NOXRED1: variants seen among roughly 807,000 people sequenced by gnomAD.
NOXRED1 encodes the protein NADP dependent oxidoreductase domain containing 1.
Under a neutral mutation model 30.4 loss-of-function variants are expected in NOXRED1, and 20 were observed. The ratio of observed to expected loss-of-function variants is 0.66; its 90% confidence interval spans 0.46 to 0.96. The LOEUF is 0.96. Ranked by LOEUF, NOXRED1 falls within the 40% of genes least tolerant of loss-of-function variation. The pLI is 0.00. For missense variants in NOXRED1, 374 were observed against 428.0 expected (o/e 0.87, Z 1.11); for synonymous variants, 155 against 168.0 (o/e 0.92, Z 0.60).
intron 2 of NOXRED1, among the ~76,000 whole-genome samples, chr14:77,411,371 G>C (rs1749677053): frequency 6.6e-6 from 1 of 151,620 alleles, no homozygotes; most frequent in Non-Finnish European, 1.5e-5. Flanking sequence ...TTGGGAGGCT[G>C]GGGCAGGAGA....
intron 2 of NOXRED1, among the ~76,000 whole-genome samples, chr14:77,413,387 C>T (rs1566711981): frequency 6.6e-6 from 1 of 151,960 alleles, no homozygotes; most frequent in Non-Finnish European, 1.5e-5. Context: ...TACAGGCACG[C>T]ACCATCATGC....
At chr14:77,413,364 G>C (rs1455375264) in intron 2 of NOXRED1, among the ~76,000 whole-genome samples, 1 of 151,270 alleles carries the variant, frequency 6.6e-6, no homozygotes, top group Non-Finnish European at 1.5e-5. Context: ...TCAGCCTCCT[G>C]AGTAGCTGGG....
rs1895047174 is a variant in NOXRED1, at chr14:77,423,192, G to A, written c.-303C>T. ...GTATTGTTTCTCCACACAGGTTACA[G>A]GCACTGTTTTCGGCAGATGAATTTA... On this transcript the variant is annotated 5_prime_UTR_variant, in exon 1 of 6. Coordinates refer to ENST00000380835, the MANE Select transcript of NOXRED1 (RefSeq NM_001113475.3). 3.4e-6 allele frequency: 1 copy of A among 297,126 alleles called. No individual in the cohort carries two copies. Among genetic ancestry groups the A allele is most frequent in the Non-Finnish European group, 6.2e-6 (1 of 160,892 alleles). 18.4% of individuals were successfully genotyped at this position (297,126 alleles called of 1,614,324 possible). A position where few individuals can be genotyped will look rare whatever the true frequency, so the allele number is the denominator to read the frequency against.
intron 1 of NOXRED1, among the ~76,000 whole-genome samples, chr14:77,415,660 T>C (rs1263552723): frequency 6.7e-6 from 1 of 148,750 alleles, no homozygotes; most frequent in East Asian, 2.1e-4. Context: ...ATAGATATAG[T>C]TGTGCAACAG....
At position 77,423,136 on chromosome 14, in the gene NOXRED1, G is replaced by T. The variant is rs1360073500; in HGVS notation, c.-247C>A. ...AATCACTGGCTGCCCATGAATCCTGGACTCATGAAAAACCTGTACAGAAAC... is the reference window on the plus strand; with the variant it reads ...AATCACTGGCTGCCCATGAATCCTGTACTCATGAAAAACCTGTACAGAAAC... On this transcript the variant is annotated 5_prime_UTR_variant, in exon 1 of 6. Coordinates refer to ENST00000380835, the MANE Select transcript of NOXRED1 (RefSeq NM_001113475.3). 2.3e-6 allele frequency: 1 copy of T among 428,830 alleles called. No individual in the cohort carries two copies. The highest frequency in any genetic ancestry group is 2.0e-5 in the African/African-American group (1 of 48,850). 26.6% of individuals were successfully genotyped at this position (428,830 alleles called of 1,614,324 possible).
chr14:77,411,919 C>T (rs543924387), intron 2 of NOXRED1, among the ~76,000 whole-genome samples: 1 of 152,062 alleles, frequency 6.6e-6, no homozygotes, highest in African/African-American at 2.4e-5. Context: ...TGGTGAAACC[C>T]CGTCTCTACT....
rs556726067 is a variant in NOXRED1, at chr14:77,407,867, C to CTT, written c.350-224_350-223dup. On this transcript the variant is annotated intron_variant, in intron 2 of 5. Transcript: ENST00000380835. ...AGTAGTACTTGAAATTATAATTCAT[C>CTT]TTTTTTTTTTTTTTTTTTGAGACGG... Among the ~76,000 whole-genome samples, 1,116 of 137,624 alleles carry CTT rather than the reference C, an allele frequency of 8.1e-3. 30 individuals carry two copies. Among genetic ancestry groups the CTT allele is most frequent in the East Asian group, 0.022 (100 of 4,624 alleles). 90.3% of individuals were successfully genotyped at this position (137,624 alleles called of 152,430 possible). A position where few individuals can be genotyped will look rare whatever the true frequency, so the allele number is the denominator to read the frequency against.
chr14:77,394,788 T>G lies in NOXRED1; in HGVS notation c.923A>C (p.Asp308Ala). The change falls in exon 6 of 6, where the codon GAT becomes GCT. Residue 308 changes from aspartate (D) to alanine (A), a missense_variant. Asp to Ala is a moderately radical substitution (Grantham distance 126, BLOSUM62 -2). Transcript: ENST00000380835. Reference protein sequence around the residue: ...LSQERPFPWFDLTAVQLKETP... With the variant: ...LSQERPFPWFALTAVQLKETP... ...TTCCTTGAGTTGCACAGCAGTCAGA[T>G]CAAACCAGGGGAAAGGCCTGAGGTG... The G allele has an allele frequency of 6.2e-7, 1 of 1,613,542 alleles. No individual in the cohort carries two copies. Among genetic ancestry groups the G allele is most frequent in the Middle Eastern group, 1.6e-4 (1 of 6,062 alleles).
At chr14:77,399,830 C>T (rs998810572) in intron 5 of NOXRED1, among the ~76,000 whole-genome samples, 8 of 151,782 alleles carry the variant, frequency 5.3e-5, no homozygotes, top group Admixed American at 4.6e-4. Flanking sequence ...TGAGAATTTC[C>T]CCCAAATTAA....
intron 5 of NOXRED1, among the ~76,000 whole-genome samples, chr14:77,404,211 A>C (rs1894399041): frequency 6.6e-6 from 1 of 152,220 alleles, no homozygotes; most frequent in Admixed American, 6.5e-5. Flanking sequence ...CCATGACAGG[A>C]AACAAGAGAT....
intron 2 of NOXRED1, among the ~76,000 whole-genome samples, chr14:77,411,491 A>C (rs968810773): frequency 1.2e-4 from 18 of 148,440 alleles, no homozygotes; most frequent in South Asian, 2.1e-4. Context: ...AAAAAAAAAA[A>C]CTTGGATATA....
At chr14:77,411,469 CAAAAAAAAAA>C (rs368123770) in intron 2 of NOXRED1, among the ~76,000 whole-genome samples, 23 of 97,718 alleles carry the variant, frequency 2.4e-4, no homozygotes, top group Non-Finnish European at 3.8e-4. Flanking sequence ...GACTCTGTCT[CAAAAAAAAAA>C]AAAAAAAAAA....
rs181995359 is a variant in NOXRED1, at chr14:77,413,855, G to C, written c.349+79C>G. ...ACGCTGTATGCAAGGATTCCTCTTT[G>C]GAGGACCCTTTCAAAATGGCTTTGT... is the stretch of plus-strand genomic sequence containing the variant. On this transcript the variant is annotated intron_variant, in intron 2 of 5. Transcript: ENST00000380835. The C allele has an allele frequency of 3.8e-5, 37 of 961,798 alleles. No individual in the cohort carries two copies. The Admixed American group carries it at 1.0e-3, about 26-fold the overall frequency. 59.6% of individuals were successfully genotyped at this position (961,798 alleles called of 1,614,324 possible).
chr14:77,405,137 G>A (rs942153237), intron 5 of NOXRED1, among the ~76,000 whole-genome samples: 1 of 152,210 alleles, frequency 6.6e-6, no homozygotes, highest in African/African-American at 2.4e-5. Context: ...GCTCACACCT[G>A]TAATCCCAGC....
At chr14:77,415,627 T>TAGACAGACAGAC (rs796217339) in intron 1 of NOXRED1, among the ~76,000 whole-genome samples, 57 of 135,910 alleles carry the variant, frequency 4.2e-4, no homozygotes, top group Middle Eastern at 3.9e-3. Flanking sequence ...GATAGATAGA[T>TAGACAGACAGAC]AGATAGACAG....
At chr14:77,407,396 G>T in intron 3 of NOXRED1, 69 bp downstream of exon 3, 2 of 1,130,460 alleles carry the variant, frequency 1.8e-6, no homozygotes, top group Non-Finnish European at 2.6e-6. Context: ...CAGTGGAGGT[G>T]GGAGGCAGAA....
chr14:77,411,939 A>G (rs939682926), intron 2 of NOXRED1, among the ~76,000 whole-genome samples: 2 of 152,096 alleles, frequency 1.3e-5, no homozygotes, highest in East Asian at 1.9e-4. Context: ...TAAAAATGCA[A>G]AAAAATTTAG....
chr14:77,422,779 A>T lies in NOXRED1; in HGVS notation c.111T>A (p.Ala37=), dbSNP rs1371241037. Residue 37 remains alanine (A), a synonymous_variant, in exon 1 of 6, where the codon GCT becomes GCA. Coordinates refer to ENST00000380835, the MANE Select transcript of NOXRED1 (RefSeq NM_001113475.3). ...TGCAGAAGAAGGTTGCATGGGCACA[A>T]GCCTCGATCATCAGTCCCCGAGAAC... ...QGRSRGLMIE[A]CAHATFFCKL... 1 of 1,614,068 alleles carries T rather than the reference A, an allele frequency of 6.2e-7. No individual in the cohort carries two copies. Among genetic ancestry groups the T allele is most frequent in the African/African-American group, 1.3e-5 (1 of 74,934 alleles).
intron 5 of NOXRED1, among the ~76,000 whole-genome samples, chr14:77,395,201 G>C (rs984230669): frequency 6.7e-6 from 1 of 149,960 alleles, no homozygotes; most frequent in African/African-American, 2.5e-5. Context: ...TACCTCCCAG[G>C]TTCATGCCAT....
Sources: allele counts gnomAD v4.1 joint callset (sites outside exome capture counted in the v4.1 genomes callset), GRCh38; gene constraint gnomAD v4.1.1; transcripts MANE v1.5; gene names NCBI Gene and HGNC (gene_info 2026-07-23, HGNC 2026-07-21).